NKIRAS1: variants seen among roughly 807,000 people sequenced by gnomAD.
NKIRAS1 encodes the protein NFKB inhibitor interacting Ras like 1, also known as NF-kappa-B inhibitor-interacting Ras-like protein 1.
In NKIRAS1, 16 loss-of-function variants were observed where a neutral mutation model predicts 19.8. The ratio of observed to expected loss-of-function variants is 0.81; its 90% CI spans 0.55 to 1.23. The LOEUF (loss-of-function observed/expected upper bound fraction) is 1.23, where lower values mean the gene tolerates loss of function less well. Among genes scored for constraint, NKIRAS1 ranks in the 50% most tolerant of loss-of-function variants. The pLI, the probability that NKIRAS1 is intolerant of heterozygous loss-of-function variation, is 0.00. For missense variants in NKIRAS1, 184 were observed against 220.0 expected (o/e 0.84, Z 1.04); for synonymous variants, 88 against 79.0 (o/e 1.11, Z -0.61).
At chr3:23,936,915 C>G (rs898472220) in intron 1 of NKIRAS1, among the ~76,000 whole-genome samples, 1 of 151,892 alleles carries the variant, frequency 6.6e-6, no homozygotes, top group Non-Finnish European at 1.5e-5. Flanking sequence ...AGTGACCACA[C>G]TTTTTGAGAA....
Position 23,908,560 on chromosome 3 carries a change from A to G in NKIRAS1, c.94+2251T>C, listed in dbSNP as rs192300592. On this transcript the variant is annotated intron_variant, in intron 3 of 4. Transcript: ENST00000425478. ...TCAGAAAAGATTTTCTAAAAAGTAA[A>G]TCAATGCCACCTTTCTATTTTGAAA... 1.1e-3 allele frequency among the ~76,000 whole-genome samples: 165 copies of G among 152,020 alleles called. 2 individuals carry two copies. The highest frequency in any genetic ancestry group is 3.9e-3 in the African/African-American group (161 of 41,566).
intron 3 of NKIRAS1, among the ~76,000 whole-genome samples, chr3:23,904,917 A>G (rs1253346715): frequency 6.6e-6 from 1 of 152,232 alleles, no homozygotes; most frequent in Non-Finnish European, 1.5e-5. Flanking sequence ...CCTAACAGAC[A>G]GAGGTAGTTT....
intron 1 of NKIRAS1, among the ~76,000 whole-genome samples, chr3:23,943,935 A>G (rs956433785): frequency 2.4e-4 from 35 of 148,464 alleles, no homozygotes; most frequent in Non-Finnish European, 4.4e-4. Context: ...GGTTTTCAGC[A>G]GAGTAATCAG....
intron 1 of NKIRAS1, among the ~76,000 whole-genome samples, chr3:23,941,370 G>C (rs1575136606): frequency 6.6e-6 from 1 of 152,142 alleles, no homozygotes; most frequent in Non-Finnish European, 1.5e-5. Flanking sequence ...CCTATCTTGT[G>C]TTGTTTTGCA....
intron 1 of NKIRAS1, among the ~76,000 whole-genome samples, chr3:23,940,085 C>T (rs377431866): frequency 1.2e-3 from 170 of 145,074 alleles, no homozygotes; most frequent in African/African-American, 3.8e-3. Context: ...AATCCTGGCA[C>T]TTTGGGAGGC....
intron 1 of NKIRAS1, among the ~76,000 whole-genome samples, chr3:23,935,175 T>G (rs1402884114): frequency 6.6e-6 from 1 of 151,244 alleles, no homozygotes; most frequent in Non-Finnish European, 1.5e-5. Context: ...CCATCAGGCT[T>G]TAAAAGAATA....
chr3:23,893,150 G>A lies in NKIRAS1; in HGVS notation c.524C>T (p.Ser175Leu). 1 of 1,597,600 alleles carries A rather than the reference G, an allele frequency of 6.3e-7. No individual in the cohort carries two copies. Among genetic ancestry groups the A allele is most frequent in the Non-Finnish European group, 8.5e-7 (1 of 1,173,738 alleles). Residue 175 changes from serine to leucine, a missense_variant, in exon 5 of 5, where the codon TCA becomes TTA. Physicochemically the swap from Ser to Leu is moderately radical, Grantham distance 145. Transcript: ENST00000425478. ...ASKLSQPQSK[S>L]SFPLPGRKNK... ...TTTCCTCCCAGGCAAAGGAAAGCTTGATTTGCTCTGGGGTTGAGAAAGTTT... is the reference window on the plus strand; with the variant it reads ...TTTCCTCCCAGGCAAAGGAAAGCTTAATTTGCTCTGGGGTTGAGAAAGTTT...
At chr3:23,912,279 G>C (rs1703822413) in intron 1 of NKIRAS1, among the ~76,000 whole-genome samples, 1 of 152,000 alleles carries the variant, frequency 6.6e-6, no homozygotes, top group South Asian at 2.1e-4. Flanking sequence ...GGAGATTTTT[G>C]CAATCTACCC....
At chr3:23,898,832 CAGG>C (rs1053282152) in intron 4 of NKIRAS1, among the ~76,000 whole-genome samples, 2 of 152,170 alleles carry the variant, frequency 1.3e-5, no homozygotes, top group African/African-American at 4.8e-5. Context: ...GGCCACACAA[CAGG>C]AGGTGAGCAG....
At chr3:23,914,036 C>T (rs1210838505) in intron 1 of NKIRAS1, among the ~76,000 whole-genome samples, 1 of 152,162 alleles carries the variant, frequency 6.6e-6, no homozygotes, top group African/African-American at 2.4e-5. Context: ...TAAACCTCAC[C>T]TGATGTAAAT....
rs1559517464 is a variant in NKIRAS1, at chr3:23,940,167, C to CAAAAAAAAA, written c.-140+6155_-140+6156insTTTTTTTTT. Among the ~76,000 whole-genome samples, 12 of 28,900 alleles carry CAAAAAAAAA rather than the reference C, an allele frequency of 4.2e-4. 3 individuals are homozygous for CAAAAAAAAA. The highest frequency in any genetic ancestry group is 6.0e-4 in the Non-Finnish European group (8 of 13,254). The allele number at this position is 28,900 out of a possible 152,430, so 19.0% of individuals were successfully genotyped here. On this transcript the variant is annotated intron_variant, in intron 1 of 4. Transcript: ENST00000421515. ...CAACACAGGAAGACTCCCATCTCTA[C>CAAAAAAAAA]CAAAAAAAAAAAAAAAAAAAAAAAG...
At chr3:23,932,516 C>T (rs1021493401) in intron 1 of NKIRAS1, among the ~76,000 whole-genome samples, 5 of 151,846 alleles carry the variant, frequency 3.3e-5, no homozygotes, top group Admixed American at 2.6e-4. Flanking sequence ...TGGAGAAACC[C>T]CATCTCTACT....
intron 1 of NKIRAS1, among the ~76,000 whole-genome samples, chr3:23,930,443 A>G (rs1705289326): frequency 7.5e-6 from 1 of 134,154 alleles, no homozygotes; most frequent in African/African-American, 2.8e-5. Context: ...TTTGAACCTC[A>G]GAATAAAAGA....
At chr3:23,908,521 T>C (rs1703301183) in intron 3 of NKIRAS1, among the ~76,000 whole-genome samples, 1 of 152,242 alleles carries the variant, frequency 6.6e-6, no homozygotes, top group Non-Finnish European at 1.5e-5. Context: ...AATTGCCTTC[T>C]ATTAAGCTGG....
chr3:23,897,640 G>A (rs751031593), intron 4 of NKIRAS1, among the ~76,000 whole-genome samples: 2 of 151,978 alleles, frequency 1.3e-5, no homozygotes, highest in African/African-American at 2.4e-5. Context: ...TCAGATCCTC[G>A]GTACTAGCTA....
In NKIRAS1 at chr3:23,891,565, T is replaced by C. The variant is rs966467922; in HGVS notation, c.*1530A>G. The C allele has an allele frequency of 6.6e-6, 1 of 152,216 alleles. No homozygotes were observed. The highest frequency in any genetic ancestry group is 2.1e-4 in the South Asian group (1 of 4,832). The allele number at this position is 152,216 out of a possible 1,614,324, so 9.4% of individuals were successfully genotyped here. ...CATCTTTTTAAAAGCATTTTCTGACTTGCAGATGCTGTAGTAGCAAGTACA... is the reference window on the plus strand; with the variant it reads ...CATCTTTTTAAAAGCATTTTCTGACCTGCAGATGCTGTAGTAGCAAGTACA... On this transcript the variant is annotated 3_prime_UTR_variant, in exon 5 of 5. Transcript: ENST00000425478.
chr3:23,936,575 C>A (rs963093580), intron 1 of NKIRAS1, among the ~76,000 whole-genome samples: 2 of 152,082 alleles, frequency 1.3e-5, no homozygotes, highest in African/African-American at 4.8e-5. Flanking sequence ...GAGACGGAGT[C>A]TCCCTCTGTC....
chr3:23,946,174 G>T, intron 1 of NKIRAS1: 1 of 985,254 alleles, frequency 1.0e-6, no homozygotes, highest in African/African-American at 1.7e-5. Context: ...GTGCGCGCCC[G>T]CTGAGCCCCC....
intron 3 of NKIRAS1, among the ~76,000 whole-genome samples, chr3:23,903,445 A>T: frequency 6.6e-6 from 1 of 152,118 alleles, no homozygotes; most frequent in African/African-American, 2.4e-5. Context: ...TGAACAGATA[A>T]CCAAGGTTTA....
Sources: gnomAD v4.1 joint callset for allele counts (sites outside exome capture counted in the v4.1 genomes callset) on GRCh38, gnomAD v4.1.1 for gene constraint, MANE v1.5 for transcripts, NCBI Gene and HGNC (gene_info 2026-07-23, HGNC 2026-07-21) for gene names.